Variants in METTL25 observed in about 807,000 individuals in gnomAD.
METTL25 encodes the protein methyltransferase like 25, also known as probable methyltransferase-like protein 25.
METTL25 carries 64 observed loss-of-function variants against 71.6 expected under a neutral mutation model. That is an observed-to-expected ratio of 0.89 (90% CI 0.73 to 1.10). METTL25 has a LOEUF of 1.10. Among genes scored for constraint, METTL25 ranks in the 50% least tolerant of loss-of-function variants. The pLI is 0.00. For missense variants in METTL25, 807 were observed against 707.0 expected (o/e 1.14, Z -1.60); for synonymous variants, 287 against 250.3 (o/e 1.15, Z -1.38).
At position 82,373,014 on chromosome 12, in the gene METTL25, C is replaced by T. The variant is rs898156306; in HGVS notation, c.260-13789C>T. Reference sequence around the variant, plus strand: ...GAAGGTCGGATTTAGTGGCCCTTACCGACGCATTCTCGAAAACCTGCACCC... The same window carrying T: ...GAAGGTCGGATTTAGTGGCCCTTACTGACGCATTCTCGAAAACCTGCACCC... On this transcript the variant is annotated intron_variant, in intron 1 of 11. Coordinates refer to ENST00000248306, the MANE Select transcript of METTL25 (RefSeq NM_032230.3). Among the ~76,000 whole-genome samples the T allele has an allele frequency of 1.9e-4, 29 of 152,062 alleles. 1 individual carries two copies. Among genetic ancestry groups the T allele is most frequent in the East Asian group, 3.9e-4 (2 of 5,192 alleles).
chr12:82,457,574 C>T (rs1891578005), intron 9 of METTL25, among the ~76,000 whole-genome samples: 1 of 151,872 alleles, frequency 6.6e-6, no homozygotes, highest in Non-Finnish European at 1.5e-5. Flanking sequence ...TTACTCAAAG[C>T]AATTGAACTG....
At chr12:82,366,471 TC>T (rs1262936164) in intron 1 of METTL25, among the ~76,000 whole-genome samples, 3 of 152,214 alleles carry the variant, frequency 2.0e-5, no homozygotes, top group Non-Finnish European at 4.4e-5. Flanking sequence ...TAGAATCAGT[TC>T]CTTTTGGTGA....
At chr12:82,428,329 A>T (rs1310242553) in intron 5 of METTL25, among the ~76,000 whole-genome samples, 3 of 151,844 alleles carry the variant, frequency 2.0e-5, no homozygotes, top group Non-Finnish European at 4.4e-5. Flanking sequence ...GGGTAAAGGG[A>T]GGAGTAGCTG....
At chr12:82,422,695 A>G (rs575242011) in intron 5 of METTL25, among the ~76,000 whole-genome samples, 2 of 152,346 alleles carry the variant, frequency 1.3e-5, no homozygotes, top group Non-Finnish European at 2.9e-5. Context: ...AACTTCAGCA[A>G]AGTCTCAGGA....
At chr12:82,400,624 A>G (rs1886534197) in intron 4 of METTL25, among the ~76,000 whole-genome samples, 1 of 152,060 alleles carries the variant, frequency 6.6e-6, no homozygotes, top group African/African-American at 2.4e-5. Flanking sequence ...GTCACCTTCT[A>G]ATTTTCTCAA....
chr12:82,423,749 A>C (rs1026121072), intron 5 of METTL25, among the ~76,000 whole-genome samples: 1 of 152,226 alleles, frequency 6.6e-6, no homozygotes, highest in Non-Finnish European at 1.5e-5. Flanking sequence ...GACACTTCTC[A>C]AAAGACATTT....
At chr12:82,457,044 G>C (rs1434504091) in intron 9 of METTL25, among the ~76,000 whole-genome samples, 1 of 151,726 alleles carries the variant, frequency 6.6e-6, no homozygotes, top group Admixed American at 6.6e-5. Flanking sequence ...CTTTTAGTTC[G>C]AGTTAAAAAT....
At chr12:82,361,616 G>T (rs982984896) in intron 1 of METTL25, among the ~76,000 whole-genome samples, 4 of 152,188 alleles carry the variant, frequency 2.6e-5, no homozygotes, top group African/African-American at 9.6e-5. Context: ...TGGTGGGCCG[G>T]CACTGCTGGG....
At chr12:82,431,492 A>G (rs1359158632) in intron 6 of METTL25, among the ~76,000 whole-genome samples, 1 of 151,676 alleles carries the variant, frequency 6.6e-6, no homozygotes, top group Non-Finnish European at 1.5e-5. Context: ...TCAGAAAATT[A>G]AAATACTGCA....
At chr12:82,403,316 A>G (rs1441821723) in intron 5 of METTL25, among the ~76,000 whole-genome samples, 186 bp downstream of exon 5, 2 of 152,168 alleles carry the variant, frequency 1.3e-5, no homozygotes, top group Non-Finnish European at 1.5e-5. Flanking sequence ...CACCACCTGT[A>G]TATTTGTTAT....
intron 9 of METTL25, among the ~76,000 whole-genome samples, chr12:82,462,847 A>T (rs1022709933): frequency 6.6e-6 from 1 of 152,082 alleles, no homozygotes; most frequent in Non-Finnish European, 1.5e-5. Flanking sequence ...ATCCTCCTGT[A>T]TACTTTAGAT....
At chr12:82,444,381 G>T (rs1890593545) in intron 8 of METTL25, among the ~76,000 whole-genome samples, 2 of 152,184 alleles carry the variant, frequency 1.3e-5, no homozygotes, top group Non-Finnish European at 2.9e-5. Context: ...CACCAGAGGT[G>T]TCTTACAAGA....
chr12:82,431,088 C>A, intron 6 of METTL25, 101 bp downstream of exon 6: 1 of 626,154 alleles, frequency 1.6e-6, no homozygotes, highest in Non-Finnish European at 2.8e-6. Flanking sequence ...TTTTGCAGAA[C>A]ATCCCATTAA....
At chr12:82,403,165 T>C in intron 5 of METTL25, 35 bp downstream of exon 5, 1 of 1,575,732 alleles carries the variant, frequency 6.3e-7, no homozygotes, top group Non-Finnish European at 8.6e-7. Flanking sequence ...TTTTTATTCA[T>C]TTGAGCATAA....
chr12:82,358,745 T>G lies in METTL25; in HGVS notation c.180T>G (p.Ala60=), dbSNP rs890404393. Residue 60 remains alanine (A), a synonymous_variant, in exon 1 of 12, where the codon GCT becomes GCG. Transcript: ENST00000248306. ...ACTTGCCACCGGAGACAGTGCTGGC[T>G]GCGCTGAGGAAGTCAGCGTCGGAGA... ...LVDLPPETVL[A]ALRKSASETE... The G allele has an allele frequency of 1.3e-5, 21 of 1,613,882 alleles. No individual in the cohort carries two copies. Among genetic ancestry groups the G allele is most frequent in the Non-Finnish European group, 1.6e-5 (19 of 1,180,014 alleles).
chr12:82,458,593 C>T (rs1243954729), intron 9 of METTL25, among the ~76,000 whole-genome samples: 1 of 152,014 alleles, frequency 6.6e-6, no homozygotes, highest in Non-Finnish European at 1.5e-5. Flanking sequence ...GTGAGTTTTA[C>T]CTTAATGAGC....
At chr12:82,392,274 G>A (rs1885665431) in intron 3 of METTL25, among the ~76,000 whole-genome samples, 1 of 112,302 alleles carries the variant, frequency 8.9e-6, no homozygotes, top group Non-Finnish European at 1.8e-5. Context: ...ACCCACAACA[G>A]TCCCCAGAGT....
At chr12:82,439,914 C>A in intron 8 of METTL25, 3 of 705,066 alleles carry the variant, frequency 4.3e-6, no homozygotes, top group Non-Finnish European at 5.2e-6. Flanking sequence ...CTTTTCTAAA[C>A]CTTTCTTCTC....
At chr12:82,401,492 G>A (rs1886618739) in intron 4 of METTL25, among the ~76,000 whole-genome samples, 1 of 151,986 alleles carries the variant, frequency 6.6e-6, no homozygotes, top group South Asian at 2.1e-4. Context: ...CCATCTTACA[G>A]TTGAGGAAAT....
Sources: allele counts gnomAD v4.1 joint callset (sites outside exome capture counted in the v4.1 genomes callset), GRCh38; gene constraint gnomAD v4.1.1; transcripts MANE v1.5; gene names NCBI Gene and HGNC (gene_info 2026-07-23, HGNC 2026-07-21).